Variants in MC2R observed in about 807,000 individuals in gnomAD.
The protein encoded by MC2R is adrenocorticotropic hormone receptor.
Under a neutral mutation model 9.8 loss-of-function variants are expected in MC2R, and 9 were observed. The ratio of observed to expected loss-of-function variants is 0.92; its 90% CI spans 0.55 to 1.60. The LOEUF (loss-of-function observed/expected upper bound fraction) is 1.60, where lower values mean the gene tolerates loss of function less well. Among genes scored for constraint, MC2R ranks in the 40% most tolerant of loss-of-function variants. The probability of loss-of-function intolerance (pLI) is 0.00; values close to 1 mark genes in which losing one functional copy is unlikely to be tolerated. For missense variants in MC2R, 370 were observed against 389.0 expected, an observed-to-expected ratio of 0.95 and a Z score of 0.41; for synonymous variants, 185 against 154.7, an observed-to-expected ratio of 1.20 and a Z score of -1.45.
intron 1 of MC2R, among the ~76,000 whole-genome samples, chr18:13,908,388 T>G (rs907058985): frequency 6.6e-6 from 1 of 151,514 alleles, no homozygotes; most frequent in Non-Finnish European, 1.5e-5. Context: ...GAGAGGGAGA[T>G]GAAGAGAAAT....
In MC2R at chr18:13,884,629, C is replaced by T; in HGVS notation, c.890G>A (p.Trp297Ter). ...FKKMIFCSRY[W>*] is the part of the protein sequence containing the mutation. ...TAAAACCAGGGATCAGCCATTCTACCAGTACCTGCTGCAGAAGATCATCTT... is the reference window on the plus strand; with the variant it reads ...TAAAACCAGGGATCAGCCATTCTACTAGTACCTGCTGCAGAAGATCATCTT... Residue 297 changes from tryptophan to a stop codon, truncating the protein, a stop_gained, in exon 2 of 2, where the codon TGG becomes TAG. Coordinates refer to ENST00000327606, the MANE Select transcript of MC2R (RefSeq NM_000529.2). LOFTEE classifies it high-confidence loss of function. 1 of 1,612,390 alleles carries T rather than the reference C, an allele frequency of 6.2e-7. No individual in the cohort carries two copies. The highest frequency in any genetic ancestry group is 8.5e-7 in the Non-Finnish European group (1 of 1,180,024).
intron 1 of MC2R, among the ~76,000 whole-genome samples, chr18:13,911,724 G>A (rs2149144400): frequency 6.6e-6 from 1 of 152,194 alleles, no homozygotes; most frequent in Non-Finnish European, 1.5e-5. Context: ...ATGTTAACTG[G>A]GAAAAAGGAG....
rs28926181 is a variant in MC2R at position 13,884,893 on chromosome 18, G to A, written c.626C>T (p.Thr209Ile). ...CCCTTTCATGTTGGCTCTGGGGAGG[G>A]TGGAGATCTTCCTGGTGTGGGATCG... ...LARSHTRKIS[T>I]LPRANMKGAI... Residue 209 changes from threonine to isoleucine, a missense_variant, in exon 2 of 2, where the codon ACC (threonine) becomes ATC (isoleucine). By Grantham distance (89) the Thr-to-Ile change is moderately conservative. Transcript: ENST00000327606. 2 of 1,614,106 alleles carry A rather than the reference G, an allele frequency of 1.2e-6. No homozygotes were observed. The highest frequency in any genetic ancestry group is 1.7e-6 in the Non-Finnish European group (2 of 1,180,020).
At position 13,884,584 on chromosome 18, in the gene MC2R, A is replaced by G; in HGVS notation, c.*41T>C. ...ATGTTACACTATTCTGGCACTTGGC[A>G]ACGTTATTCCCATGGATTCTAAAAC... is the stretch of plus-strand genomic sequence containing the variant. On this transcript the variant is annotated 3_prime_UTR_variant, in exon 2 of 2. Transcript: ENST00000327606. The G allele has an allele frequency of 1.2e-6, 2 of 1,604,010 alleles. No homozygotes were observed. The highest frequency in any genetic ancestry group is 8.5e-7 in the Non-Finnish European group (1 of 1,177,024).
At chr18:13,892,199 T>C (rs2045319286) in intron 1 of MC2R, among the ~76,000 whole-genome samples, 1 of 152,188 alleles carries the variant, frequency 6.6e-6, no homozygotes, top group Admixed American at 6.5e-5. Context: ...TGGCAGCTTT[T>C]AAGGATGTTG....
chr18:13,891,808 T>A (rs548820522), intron 1 of MC2R, among the ~76,000 whole-genome samples: 1 of 152,162 alleles, frequency 6.6e-6, no homozygotes, highest in African/African-American at 2.4e-5. Flanking sequence ...ATCTGACCCA[T>A]CCCACCTCAA....
intron 1 of MC2R, among the ~76,000 whole-genome samples, chr18:13,897,718 A>G (rs796193396): frequency 3.3e-5 from 5 of 152,136 alleles, no homozygotes; most frequent in African/African-American, 1.2e-4. Context: ...CAGAGTTGTG[A>G]GGCTTCCATT....
chr18:13,910,503 G>T (rs962676825), intron 1 of MC2R, among the ~76,000 whole-genome samples: 1 of 152,238 alleles, frequency 6.6e-6, no homozygotes, highest in Non-Finnish European at 1.5e-5. Flanking sequence ...CAGGGATTGT[G>T]TTGACTCTGT....
At chr18:13,887,705 G>C (rs2045285627) in intron 1 of MC2R, among the ~76,000 whole-genome samples, 1 of 152,154 alleles carries the variant, frequency 6.6e-6, no homozygotes, top group South Asian at 2.1e-4. Flanking sequence ...GACGACCTGG[G>C]GGGCTCCTCC....
chr18:13,903,577 A>T (rs1013082871), intron 1 of MC2R, among the ~76,000 whole-genome samples: 1 of 152,242 alleles, frequency 6.6e-6, no homozygotes, highest in African/African-American at 2.4e-5. Flanking sequence ...AGGAACAGAA[A>T]GACAAACATC....
chr18:13,908,707 TGTGTGTGTG>T (rs1265432694), intron 1 of MC2R, among the ~76,000 whole-genome samples: 5,306 of 23,802 alleles, frequency 0.22, 287 homozygotes, highest in African/African-American at 0.26. Flanking sequence ...AGGAGCTTCT[TGTGTGTGTG>T]TGTGTGTGTG....
chr18:13,914,202 CT>C (rs1335030191), intron 1 of MC2R, among the ~76,000 whole-genome samples: 2 of 152,176 alleles, frequency 1.3e-5, no homozygotes, highest in Admixed American at 6.5e-5. Context: ...CCCCATTACC[CT>C]GGTTCATGCC....
At chr18:13,897,352 T>C (rs975079965) in intron 1 of MC2R, among the ~76,000 whole-genome samples, 8 of 152,162 alleles carry the variant, frequency 5.3e-5, no homozygotes, top group African/African-American at 1.4e-4. Context: ...CTGACCCCAA[T>C]GGTCGGAACT....
intron 1 of MC2R, among the ~76,000 whole-genome samples, chr18:13,913,260 T>A (rs1255647758): frequency 6.6e-6 from 1 of 152,070 alleles, no homozygotes; most frequent in Non-Finnish European, 1.5e-5. Flanking sequence ...TTCCACCCGC[T>A]CACATCTCCC....
chr18:13,894,252 T>C (rs2045333850), intron 1 of MC2R, among the ~76,000 whole-genome samples: 2 of 152,302 alleles, frequency 1.3e-5, no homozygotes, highest in Non-Finnish European at 2.9e-5. Context: ...TTAATTTTCT[T>C]TTCTATTTCT....
At chr18:13,903,997 T>C (rs930006278) in intron 1 of MC2R, among the ~76,000 whole-genome samples, 2 of 152,092 alleles carry the variant, frequency 1.3e-5, no homozygotes, top group Non-Finnish European at 2.9e-5. Context: ...GTAGATTTTT[T>C]TTTTCATTTC....
chr18:13,885,282 C>T lies in MC2R; in HGVS notation c.237G>A (p.Leu79=). ...TTCTCAATATGATCAGGATATTTTC[C>T]AAGATCTTATATAGGCTGCCCAGCA... is the stretch of plus-strand genomic sequence containing the variant. ...SDMLGSLYKI[L]ENILIILRNM... is the part of the protein sequence containing the mutation. The change falls in exon 2 of 2, where the codon TTG becomes TTA. Residue 79 remains leucine (L), a synonymous_variant. Transcript: ENST00000327606. 1 of 1,614,128 alleles carries T rather than the reference C, an allele frequency of 6.2e-7. No homozygotes were observed. Among genetic ancestry groups the T allele is most frequent in the Non-Finnish European group, 8.5e-7 (1 of 1,180,024 alleles).
At position 13,883,968 on chromosome 18, in the gene MC2R, C is replaced by A; in HGVS notation, c.*657G>T. The A allele has an allele frequency of 6.4e-6, 1 of 155,950 alleles. No individual in the cohort carries two copies. The highest frequency in any genetic ancestry group is 6.1e-5 in the Admixed American group (1 of 16,284). The allele number at this position is 155,950 out of a possible 1,614,324, so 9.7% of individuals were successfully genotyped here. A position where few individuals can be genotyped will look rare whatever the true frequency, so the allele number is the denominator to read the frequency against. ...TGGAAACTCGAAGCTCGTTATTTGA[C>A]ATTTATAGTTTATACTCAGCCTACT... is the stretch of plus-strand genomic sequence containing the variant. On this transcript the variant is annotated 3_prime_UTR_variant, in exon 2 of 2. Coordinates refer to ENST00000327606, the MANE Select transcript of MC2R (RefSeq NM_000529.2).
chr18:13,893,251 T>C (rs900798203), intron 1 of MC2R, among the ~76,000 whole-genome samples: 1 of 152,302 alleles, frequency 6.6e-6, no homozygotes, highest in South Asian at 2.1e-4. Context: ...GAATCAAGCA[T>C]TTGTCTTGTT....
Sources: gnomAD v4.1 joint callset for allele counts (sites outside exome capture counted in the v4.1 genomes callset) on GRCh38, gnomAD v4.1.1 for gene constraint, MANE v1.5 for transcripts, NCBI Gene and HGNC (gene_info 2026-07-23, HGNC 2026-07-21) for gene names.